The following KDM2A variants were observed in gnomAD, a reference collection of about 807,000 sequenced individuals.
KDM2A encodes lysine-specific demethylase 2A.
A neutral mutation model predicts 137.3 loss-of-function variants in KDM2A; 3 were observed. That is an observed-to-expected ratio of 0.02 (90% CI 0.01 to 0.06). The LOEUF (loss-of-function observed/expected upper bound fraction) is 0.06, where lower values mean the gene tolerates loss of function less well. Among genes scored for constraint, KDM2A ranks in the 10% least tolerant of loss-of-function variants. The pLI, the probability that KDM2A is intolerant of heterozygous loss-of-function variation, is 1.00. For missense variants in KDM2A, 738 were observed against 1,510.6 expected, an observed-to-expected ratio of 0.49 and a Z score of 8.48; for synonymous variants, 512 against 541.5, an observed-to-expected ratio of 0.95 and a Z score of 0.76.
chr11:67,250,847 G>A lies in KDM2A; in HGVS notation c.2768+49G>A. The A allele has an allele frequency of 7.1e-7, 1 of 1,411,106 alleles. No individual in the cohort carries two copies. Among genetic ancestry groups the A allele is most frequent in the Non-Finnish European group, 9.6e-7 (1 of 1,038,938 alleles). The allele number at this position is 1,411,106 out of a possible 1,614,324, so 87.4% of individuals were successfully genotyped here. Reference sequence around the variant, plus strand: ...GGAATTAGGGGTATGGGAGTAGGTGGCAGGTTTTCCATATGAGAACAGCAT... The same window carrying A: ...GGAATTAGGGGTATGGGAGTAGGTGACAGGTTTTCCATATGAGAACAGCAT... On this transcript the variant is annotated intron_variant, in intron 17 of 20. Transcript: ENST00000529006. The surrounding 1 kb of genome is among the most constrained non-coding windows in gnomAD (Gnocchi z 7.1).
intron 5 of KDM2A, among the ~76,000 whole-genome samples, chr11:67,204,771 G>A (rs984494360): frequency 6.6e-6 from 1 of 152,112 alleles, no homozygotes; most frequent in African/African-American, 2.4e-5. Flanking sequence ...GATTACAGGC[G>A]TGAGCCACCA....
chr11:67,169,759 C>CTCTCTCTCTCTCTT (rs756503460), intron 2 of KDM2A, among the ~76,000 whole-genome samples: 6 of 65,696 alleles, frequency 9.1e-5, no homozygotes, highest in Admixed American at 4.5e-4. Context: ...CTCTCTCTCT[C>CTCTCTCTCTCTCTT]TTTTTTTTTT....
chr11:67,203,155 A>T (rs573915778), intron 5 of KDM2A, among the ~76,000 whole-genome samples: 1 of 152,330 alleles, frequency 6.6e-6, no homozygotes, highest in East Asian at 1.9e-4. Context: ...ATTATGACTC[A>T]CTGAAGGCTC....
chr11:67,206,128 T>C (rs1857798215), intron 5 of KDM2A, among the ~76,000 whole-genome samples: 1 of 152,218 alleles, frequency 6.6e-6, no homozygotes, highest in Admixed American at 6.5e-5. Context: ...GTATAGGAGC[T>C]GAGATTTAAA....
At chr11:67,219,095 C>G (rs1184457185) in intron 9 of KDM2A, among the ~76,000 whole-genome samples, 193 bp from the exon 10 acceptor site, 1 of 152,192 alleles carries the variant, frequency 6.6e-6, no homozygotes, top group Non-Finnish European at 1.5e-5. Flanking sequence ...TGCTCATGAG[C>G]AACCATAAGA....
chr11:67,134,321 G>T (rs1343375774), intron 2 of KDM2A, among the ~76,000 whole-genome samples: 3 of 152,128 alleles, frequency 2.0e-5, no homozygotes, highest in African/African-American at 7.2e-5. Context: ...AGAGGCTAGG[G>T]ATGCTGCTAA....
At chr11:67,129,440 T>G (rs1444405185) in intron 2 of KDM2A, among the ~76,000 whole-genome samples, 1 of 151,554 alleles carries the variant, frequency 6.6e-6, no homozygotes, top group East Asian at 1.9e-4. Context: ...AATACAAAAA[T>G]TAGCCGGGCA....
chr11:67,180,115 A>C lies in KDM2A; in HGVS notation c.79A>C (p.Ile27Leu), dbSNP rs1857057452. 6.2e-7 allele frequency: 1 copy of C among 1,613,844 alleles called. No individual in the cohort carries two copies. The highest frequency in any genetic ancestry group is 1.1e-5 in the South Asian group (1 of 91,090). Residue 27 changes from isoleucine to leucine, a missense_variant, in exon 3 of 21, where the codon ATT becomes CTT. Around this residue, in one of 9 missense-constraint regions of KDM2A, gnomAD observed 74 missense variants for 181.8 expected, o/e 0.41. Transcript: ENST00000529006. ...TMRRRYEDDG[I>L]SDDEIEGKRT... ...GCGACGACGCTATGAAGATGATGGCATTTCAGATGATGAAATTGAAGGAAA... is the reference window on the plus strand; with the variant it reads ...GCGACGACGCTATGAAGATGATGGCCTTTCAGATGATGAAATTGAAGGAAA...
chr11:67,193,460 A>T (rs1170935235), intron 5 of KDM2A, among the ~76,000 whole-genome samples: 14 of 152,220 alleles, frequency 9.2e-5, no homozygotes, highest in Admixed American at 7.9e-4. Context: ...TCACTTTCTC[A>T]TAGTGATTAA....
chr11:67,122,524 T>TA (rs1203568966), intron 2 of KDM2A, among the ~76,000 whole-genome samples: 1 of 151,898 alleles, frequency 6.6e-6, no homozygotes, highest in Non-Finnish European at 1.5e-5. Context: ...AACAGGGTTT[T>TA]ACCATGTTGG....
intron 2 of KDM2A, among the ~76,000 whole-genome samples, chr11:67,142,593 T>TGGGGTTGGGGTG (rs1856135683): frequency 1.6e-4 from 4 of 24,480 alleles, no homozygotes; most frequent in Non-Finnish European, 2.6e-4. Flanking sequence ...GGGTTGGGGT[T>TGGGGTTGGGGTG]GGGGGGGCGT....
intron 3 of KDM2A, among the ~76,000 whole-genome samples, 158 bp from the exon 4 acceptor site, chr11:67,181,162 T>C (rs1857084401): frequency 6.6e-6 from 1 of 152,162 alleles, no homozygotes; most frequent in Admixed American, 6.6e-5. Context: ...TTCTAAGAGA[T>C]GCTTCTTACT....
chr11:67,238,694 A>G (rs554924001), intron 12 of KDM2A, among the ~76,000 whole-genome samples: 8 of 152,348 alleles, frequency 5.3e-5, no homozygotes, highest in Non-Finnish European at 1.0e-4. Context: ...ACTCACTCAA[A>G]CAACTGTCCT....
At chr11:67,167,621 T>C (rs1856776230) in intron 2 of KDM2A, among the ~76,000 whole-genome samples, 1 of 151,982 alleles carries the variant, frequency 6.6e-6, no homozygotes, top group Admixed American at 6.6e-5. Flanking sequence ...ACTGACTAAA[T>C]ATTTTTTTTT....
chr11:67,157,387 G>A (rs534670457), intron 2 of KDM2A, among the ~76,000 whole-genome samples: 2 of 151,022 alleles, frequency 1.3e-5, no homozygotes, highest in East Asian at 3.9e-4. Context: ...GTGAGTGTGT[G>A]TGATTGACTT....
At chr11:67,247,422 C>CTT (rs56012601) in intron 15 of KDM2A, among the ~76,000 whole-genome samples, 62,786 of 84,532 alleles carry the variant, frequency 0.74, 26,998 homozygotes, top group South Asian at 0.93. Context: ...GCATTACAAT[C>CTT]TTTTTTTTTT....
At chr11:67,214,426 G>C (rs1234813633) in intron 6 of KDM2A, among the ~76,000 whole-genome samples, 1 of 151,894 alleles carries the variant, frequency 6.6e-6, no homozygotes, top group Admixed American at 6.6e-5. Flanking sequence ...AGATGGTCTC[G>C]ATCTCCTGAC....
intron 7 of KDM2A, 46 bp from the exon 8 acceptor site, chr11:67,215,810 A>G (rs565569259): frequency 2.2e-4 from 318 of 1,433,274 alleles, no homozygotes; most frequent in Non-Finnish European, 3.0e-4. Flanking sequence ...GGGCAGATGT[A>G]CTTTTTTCCA....
At chr11:67,136,723 A>G (rs1855976805) in intron 2 of KDM2A, among the ~76,000 whole-genome samples, 1 of 152,176 alleles carries the variant, frequency 6.6e-6, no homozygotes, top group African/African-American at 2.4e-5. Context: ...AGGTATAGGG[A>G]ACAGGCAATG....
Sources: gnomAD v4.1 joint callset for allele counts (sites outside exome capture counted in the v4.1 genomes callset) on GRCh38, gnomAD v4.1.1 for gene constraint, gnomAD v4.1.1 regional missense constraint, Gnocchi (gnomAD v3.1) non-coding constraint, MANE v1.5 for transcripts, NCBI Gene and HGNC (gene_info 2026-07-23, HGNC 2026-07-21) for gene names.